The following RIT2 variants were observed in gnomAD, a reference collection of about 807,000 sequenced individuals.
RIT2 encodes the protein GTP-binding protein Rit2.
A neutral mutation model predicts 23.7 loss-of-function variants in RIT2; 24 were observed. The observed-to-expected ratio is 1.01, with a 90% CI of 0.73 to 1.43. The LOEUF is 1.43. RIT2 is among the 40% of genes most tolerant of loss of function. The probability of loss-of-function intolerance (pLI) is 0.00; values close to 1 mark genes in which losing one functional copy is unlikely to be tolerated. For synonymous variants in RIT2, 107 were observed against 91.1 expected (o/e 1.17, Z -0.99); for missense variants, 236 against 266.9 (o/e 0.88, Z 0.81).
At chr18:42,949,201 T>G (rs988495276) in intron 3 of RIT2, among the ~76,000 whole-genome samples, 2 of 152,056 alleles carry the variant, frequency 1.3e-5, no homozygotes, top group Admixed American at 1.3e-4. Flanking sequence ...ATGTGTGCTG[T>G]GGGGTGCCCA....
At chr18:42,827,286 A>T (rs1030721219) in intron 4 of RIT2, among the ~76,000 whole-genome samples, 1 of 152,186 alleles carries the variant, frequency 6.6e-6, no homozygotes, top group African/African-American at 2.4e-5. Flanking sequence ...TAGGTTTTCT[A>T]ATTGAGAAAA....
At chr18:42,918,584 TA>T (rs1378791563) in intron 4 of RIT2, among the ~76,000 whole-genome samples, 5 of 152,174 alleles carry the variant, frequency 3.3e-5, no homozygotes, top group African/African-American at 2.4e-5. Flanking sequence ...GCACTACTCT[TA>T]TTTTTTTAAG....
chr18:42,764,934 C>G (rs951730196), intron 4 of RIT2, among the ~76,000 whole-genome samples: 1 of 152,186 alleles, frequency 6.6e-6, no homozygotes, highest in Admixed American at 6.5e-5. Context: ...ATTTGAGAGT[C>G]CATTTATCTA....
At chr18:42,796,189 T>C (rs900856538) in intron 4 of RIT2, among the ~76,000 whole-genome samples, 25 of 152,264 alleles carry the variant, frequency 1.6e-4, no homozygotes, top group Admixed American at 3.9e-4. Context: ...GGCGAAGGTC[T>C]GCAGCTTCAC....
At chr18:42,900,187 T>G (rs1041266299) in intron 4 of RIT2, among the ~76,000 whole-genome samples, 1 of 152,126 alleles carries the variant, frequency 6.6e-6, no homozygotes, top group African/African-American at 2.4e-5. Flanking sequence ...TTCTACGAAA[T>G]TTAATGCTGT....
intron 1 of RIT2, among the ~76,000 whole-genome samples, chr18:43,051,345 T>C (rs1372198261): frequency 1.3e-5 from 2 of 152,112 alleles, no homozygotes; most frequent in Admixed American, 6.6e-5. Context: ...AATGAATAGA[T>C]ACTACAGAAG....
intron 3 of RIT2, among the ~76,000 whole-genome samples, chr18:42,934,451 T>C (rs1540066): frequency 0.013 from 2,047 of 152,264 alleles, 25 homozygotes; most frequent in Non-Finnish European, 0.019. Context: ...ATGGGGATAA[T>C]GGAGAATGAT....
At chr18:42,958,167 A>C (rs1393838397) in intron 3 of RIT2, among the ~76,000 whole-genome samples, 1 of 152,186 alleles carries the variant, frequency 6.6e-6, no homozygotes, top group East Asian at 1.9e-4. Flanking sequence ...TTTCTTATCA[A>C]GACTCTTTCA....
intron 3 of RIT2, among the ~76,000 whole-genome samples, chr18:42,935,432 T>C (rs921448489): frequency 6.6e-6 from 1 of 152,086 alleles, no homozygotes; most frequent in African/African-American, 2.4e-5. Context: ...CTGCAAGTCT[T>C]TCAGATTTTA....
chr18:42,796,668 T>C (rs1228886376), intron 4 of RIT2, among the ~76,000 whole-genome samples: 2 of 152,224 alleles, frequency 1.3e-5, no homozygotes, highest in South Asian at 2.1e-4. Context: ...TACCTGCCCA[T>C]GTTGTATTTG....
chr18:42,865,069 C>T (rs1034343991), intron 4 of RIT2, among the ~76,000 whole-genome samples: 1 of 152,226 alleles, frequency 6.6e-6, no homozygotes, highest in African/African-American at 2.4e-5. Flanking sequence ...ACTTCACACA[C>T]ACAACTAGTT....
At chr18:42,915,575 C>A (rs1908886285) in intron 4 of RIT2, among the ~76,000 whole-genome samples, 1 of 151,914 alleles carries the variant, frequency 6.6e-6, no homozygotes, top group Admixed American at 6.6e-5. Flanking sequence ...CCAAACAATT[C>A]AGTGTAAGAC....
At chr18:42,792,219 C>T (rs1343275501) in intron 4 of RIT2, among the ~76,000 whole-genome samples, 1 of 152,148 alleles carries the variant, frequency 6.6e-6, no homozygotes, top group Non-Finnish European at 1.5e-5. Flanking sequence ...ATCTCCCCCA[C>T]TTTTTTCCTC....
At chr18:43,096,212 C>A (rs1257615045) in intron 1 of RIT2, among the ~76,000 whole-genome samples, 2 of 151,840 alleles carry the variant, frequency 1.3e-5, no homozygotes, top group Non-Finnish European at 2.9e-5. Context: ...TGAAGATGGT[C>A]TAGATTAGCA....
intron 1 of RIT2, among the ~76,000 whole-genome samples, chr18:43,043,065 A>G (rs1171834321): frequency 6.6e-6 from 1 of 152,194 alleles, no homozygotes; most frequent in Admixed American, 6.5e-5. Flanking sequence ...ACAAGAAATT[A>G]TAGGATTTTT....
intron 3 of RIT2, among the ~76,000 whole-genome samples, chr18:42,947,820 T>C (rs1339289376): frequency 6.6e-6 from 1 of 152,132 alleles, no homozygotes; most frequent in African/African-American, 2.4e-5. Flanking sequence ...TCATAGTAGC[T>C]GTATATAAAA....
chr18:42,748,400 C>T (rs2143878515), intron 4 of RIT2, among the ~76,000 whole-genome samples: 1 of 151,970 alleles, frequency 6.6e-6, no homozygotes, highest in Non-Finnish European at 1.5e-5. Flanking sequence ...CCACCTTACT[C>T]CTGCACGAAT....
intron 3 of RIT2, among the ~76,000 whole-genome samples, chr18:42,926,281 G>A (rs1036618859): frequency 2.0e-5 from 3 of 151,824 alleles, no homozygotes; most frequent in African/African-American, 7.2e-5. Context: ...TTGTAGAATT[G>A]AAACATCATG....
intron 4 of RIT2, among the ~76,000 whole-genome samples, chr18:42,844,649 C>T (rs189289618): frequency 6.6e-6 from 1 of 151,524 alleles, no homozygotes; most frequent in Non-Finnish European, 1.5e-5. Flanking sequence ...TTTATAGGCA[C>T]AGGATAGGCA....
Sources: gnomAD v4.1 joint callset for allele counts (sites outside exome capture counted in the v4.1 genomes callset) on GRCh38, gnomAD v4.1.1 for gene constraint, MANE v1.5 for transcripts, NCBI Gene and HGNC (gene_info 2026-07-23, HGNC 2026-07-21) for gene names.